Variants in KHDRBS2 observed in about 807,000 individuals in gnomAD.
The protein encoded by KHDRBS2 is KH RNA binding domain containing, signal transduction associated 2.
A neutral mutation model predicts 44.3 loss-of-function variants in KHDRBS2; 26 were observed. The ratio of observed to expected loss-of-function variants is 0.59; its 90% CI spans 0.43 to 0.81. The LOEUF is 0.81. KHDRBS2 is among the 40% of genes least tolerant of loss of function. The probability of loss-of-function intolerance (pLI) is 0.00; values close to 1 mark genes in which losing one functional copy is unlikely to be tolerated. For missense variants in KHDRBS2, 476 were observed against 433.1 expected (o/e 1.10, Z -0.88); for synonymous variants, 194 against 151.1 (o/e 1.28, Z -2.08).
intron 2 of KHDRBS2, among the ~76,000 whole-genome samples, chr6:62,087,575 T>G (rs906064997): frequency 1.1e-4 from 17 of 152,190 alleles, no homozygotes; most frequent in African/African-American, 3.8e-4. Context: ...GATGAGATGG[T>G]TCCCTGAGAA....
chr6:61,905,086 A>G (rs749341673), intron 4 of KHDRBS2, among the ~76,000 whole-genome samples: 9 of 152,340 alleles, frequency 5.9e-5, no homozygotes, highest in Non-Finnish European at 1.0e-4. Context: ...ATTACTGACG[A>G]CCAAAAAGGA....
chr6:62,147,956 T>C (rs1814297289), intron 2 of KHDRBS2, among the ~76,000 whole-genome samples: 1 of 151,932 alleles, frequency 6.6e-6, no homozygotes, highest in South Asian at 2.1e-4. Context: ...TAAATAAACA[T>C]AGATACATTC....
chr6:61,974,948 AT>A (rs1772236590), intron 4 of KHDRBS2, among the ~76,000 whole-genome samples: 2 of 148,094 alleles, frequency 1.4e-5, no homozygotes, highest in South Asian at 4.2e-4. Context: ...AAATAAATAA[AT>A]AAATAAATAA....
chr6:61,667,859 T>C, the KHDRBS2 span, among the ~76,000 whole-genome samples: 1 of 151,230 alleles, frequency 6.6e-6, no homozygotes, highest in Non-Finnish European at 1.5e-5. Flanking sequence ...TGGAAAATTA[T>C]GTGGATTCAA....
chr6:61,927,783 G>C (rs1024983019), intron 4 of KHDRBS2, among the ~76,000 whole-genome samples: 1 of 152,036 alleles, frequency 6.6e-6, no homozygotes, highest in East Asian at 1.9e-4. Context: ...ATGCCCATCT[G>C]TTCCATAGAA....
At chr6:62,136,743 C>A (rs575089208) in intron 2 of KHDRBS2, among the ~76,000 whole-genome samples, 2 of 152,264 alleles carry the variant, frequency 1.3e-5, no homozygotes, top group East Asian at 3.9e-4. Context: ...AGATTCTTGG[C>A]TTCTGCCTGG....
intron 1 of KHDRBS2, among the ~76,000 whole-genome samples, chr6:62,192,925 A>G (rs1304210586): frequency 6.6e-6 from 1 of 152,082 alleles, no homozygotes; most frequent in Non-Finnish European, 1.5e-5. Flanking sequence ...CTAATTTCTT[A>G]CCTGTACATT....
chr6:62,078,844 A>G (rs1226513622), intron 2 of KHDRBS2, among the ~76,000 whole-genome samples: 2 of 152,024 alleles, frequency 1.3e-5, no homozygotes, highest in African/African-American at 4.8e-5. Context: ...GAGACAATCA[A>G]TATGTTTTGC....
At chr6:62,034,391 C>A (rs1476585724) in intron 3 of KHDRBS2, among the ~76,000 whole-genome samples, 1 of 151,802 alleles carries the variant, frequency 6.6e-6, no homozygotes, top group Admixed American at 6.6e-5. Context: ...AGGATAATAT[C>A]TCTGATGAAT....
At chr6:62,233,102 G>C (rs1255709883) in intron 1 of KHDRBS2, among the ~76,000 whole-genome samples, 1 of 152,064 alleles carries the variant, frequency 6.6e-6, no homozygotes, top group Non-Finnish European at 1.5e-5. Context: ...AGGCTAATTG[G>C]GACTAATTCC....
intron 3 of KHDRBS2, among the ~76,000 whole-genome samples, chr6:61,983,016 T>C (rs569802186): frequency 4.6e-5 from 7 of 152,002 alleles, no homozygotes; most frequent in South Asian, 4.1e-4. Flanking sequence ...GAAACTCTTA[T>C]TGAATATTCT....
chr6:61,774,593 C>T lies in KHDRBS2; in HGVS notation c.811-41829G>A, dbSNP rs146629116. On this transcript the variant is annotated intron_variant, in intron 6 of 8. Coordinates refer to ENST00000281156, the MANE Select transcript of KHDRBS2 (RefSeq NM_152688.4). ...ACCTAGGAATCCAACTTACAAGGGA[C>T]GAGAAGTTGAATCTCTGAATAGACC... Among the ~76,000 whole-genome samples the T allele has an allele frequency of 2.4e-3, 370 of 151,838 alleles. 3 individuals are homozygous for T. Among genetic ancestry groups the T allele is most frequent in the African/African-American group, 8.6e-3 (356 of 41,480 alleles).
chr6:61,844,774 G>T (rs1323124549), intron 6 of KHDRBS2, among the ~76,000 whole-genome samples: 3 of 152,064 alleles, frequency 2.0e-5, no homozygotes, highest in Non-Finnish European at 4.4e-5. Flanking sequence ...ATCATGTAAA[G>T]CTAGCTTTTT....
At chr6:61,782,802 T>A (rs1783211907) in intron 6 of KHDRBS2, among the ~76,000 whole-genome samples, 1 of 149,992 alleles carries the variant, frequency 6.7e-6, no homozygotes, top group East Asian at 2.0e-4. Context: ...GTCGGTCTGA[T>A]CTAGGTTGAG....
At chr6:61,998,811 T>C (rs1214852477) in intron 3 of KHDRBS2, among the ~76,000 whole-genome samples, 1 of 152,198 alleles carries the variant, frequency 6.6e-6, no homozygotes, top group Non-Finnish European at 1.5e-5. Flanking sequence ...CTGCTTCTCT[T>C]GACCTTTCCT....
At chr6:61,604,200 C>A in the KHDRBS2 span, among the ~76,000 whole-genome samples, 8 of 152,174 alleles carry the variant, frequency 5.3e-5, no homozygotes, top group South Asian at 2.1e-4. Flanking sequence ...CAAGGGTCAT[C>A]TATCATTAAT....
At chr6:61,853,067 G>A (rs1795682492) in intron 6 of KHDRBS2, among the ~76,000 whole-genome samples, 1 of 152,156 alleles carries the variant, frequency 6.6e-6, no homozygotes, top group Non-Finnish European at 1.5e-5. Flanking sequence ...TGAGCTCTGA[G>A]CTTCTGGCTA....
intron 1 of KHDRBS2, among the ~76,000 whole-genome samples, chr6:62,280,734 C>T (rs1013788750): frequency 2.0e-5 from 3 of 152,132 alleles, no homozygotes; most frequent in Non-Finnish European, 2.9e-5. Flanking sequence ...AAATTATTCA[C>T]ATTGAATCAT....
At chr6:62,060,846 A>T (rs1329399339) in intron 2 of KHDRBS2, among the ~76,000 whole-genome samples, 2 of 151,874 alleles carry the variant, frequency 1.3e-5, no homozygotes, top group Non-Finnish European at 2.9e-5. Context: ...AAATCTGTTG[A>T]TTAGATATAT....
Sources: allele counts gnomAD v4.1 joint callset (sites outside exome capture counted in the v4.1 genomes callset), GRCh38; gene constraint gnomAD v4.1.1; transcripts MANE v1.5; gene names NCBI Gene and HGNC (gene_info 2026-07-23, HGNC 2026-07-21).